The following MYOF variants were observed in gnomAD, a reference collection of about 807,000 sequenced individuals.
MYOF encodes the protein fer-1-like 3, myoferlin.
Under a neutral mutation model 284.2 loss-of-function variants are expected in MYOF, and 244 were observed. The observed-to-expected ratio is 0.86, with a 90% CI of 0.77 to 0.95. MYOF has a LOEUF of 0.95. Ranked by LOEUF, MYOF falls within the 40% of genes least tolerant of loss-of-function variation. The pLI is 0.00. For synonymous variants in MYOF, 904 were observed against 919.7 expected, an observed-to-expected ratio of 0.98 and a Z score of 0.31; for missense variants, 2,496 against 2,560.6, an observed-to-expected ratio of 0.97 and a Z score of 0.54.
intron 17 of MYOF, among the ~76,000 whole-genome samples, chr10:93,391,830 A>G (rs191349343): frequency 1.6e-4 from 25 of 152,204 alleles, no homozygotes; most frequent in Admixed American, 7.2e-4. Flanking sequence ...TGCCTCCTTT[A>G]CCTTTTTGAA....
intron 4 of MYOF, 80 bp downstream of exon 4, chr10:93,431,328 C>A (rs1013391055): frequency 8.0e-7 from 1 of 1,247,036 alleles, no homozygotes; most frequent in Non-Finnish European, 1.2e-6. Flanking sequence ...CCACCACGCC[C>A]GGCCTTAGAC....
chr10:93,312,549 G>A lies in MYOF; in HGVS notation c.5889+471C>T, dbSNP rs111551319. ...TTGTTTTTGTATTTTTAGTAGAGAC[G>A]GTGTTTTGCCACGTTGGCCAGGCTG... On this transcript the variant is annotated intron_variant, in intron 51 of 53. Coordinates refer to ENST00000359263, the MANE Select transcript of MYOF (RefSeq NM_013451.4). 7.5e-3 allele frequency among the ~76,000 whole-genome samples: 1,142 copies of A among 151,764 alleles called. 12 individuals are homozygous for A. Among genetic ancestry groups the A allele is most frequent in the African/African-American group, 0.026 (1,095 of 41,366 alleles).
chr10:93,329,041 A>C, intron 44 of MYOF, 130 bp from the exon 45 acceptor site: 1 of 876,946 alleles, frequency 1.1e-6, no homozygotes, highest in Admixed American at 2.5e-5. Flanking sequence ...CTACACTCTG[A>C]CTTTGGCCTA....
chr10:93,355,775 AT>A, intron 30 of MYOF, 39 bp from the exon 31 acceptor site: 1 of 1,485,648 alleles, frequency 6.7e-7, no homozygotes, highest in Admixed American at 1.7e-5. Flanking sequence ...AGAGAAGTCA[AT>A]AAACACTGCC....
chr10:93,309,462 C>T (rs1477326061), intron 53 of MYOF, among the ~76,000 whole-genome samples: 1 of 152,018 alleles, frequency 6.6e-6, no homozygotes, highest in Non-Finnish European at 1.5e-5. Flanking sequence ...GGAGGTTATA[C>T]GTGACATGAG....
At position 93,375,018 on chromosome 10, in the gene MYOF, A is replaced by T. The variant is rs1845771220; in HGVS notation, c.2109-63T>A. On this transcript the variant is annotated intron_variant, in intron 22 of 53. Transcript: ENST00000359263. ...AGAATAACCTAATTTTAGGCTTCAG[A>T]ACTGTCAAATACATTTATGTTGGAT... 4.1e-6 allele frequency: 6 copies of T among 1,466,960 alleles called. No homozygotes were observed. In the East Asian group the frequency reaches 7.1e-5, roughly 17 times the overall value. 90.9% of individuals were successfully genotyped at this position (1,466,960 alleles called of 1,614,324 possible).
At chr10:93,340,239 C>G in intron 38 of MYOF, 75 bp from the exon 39 acceptor site, 1 of 1,528,138 alleles carries the variant, frequency 6.5e-7, no homozygotes, top group Non-Finnish European at 9.0e-7. Flanking sequence ...ACCCCAGGAA[C>G]ATGAAGTTTA....
chr10:93,378,671 GTGTGTGTGTA>G (rs1845956228), intron 21 of MYOF, among the ~76,000 whole-genome samples: 1 of 101,720 alleles, frequency 9.8e-6, no homozygotes, highest in Non-Finnish European at 1.9e-5. Context: ...ATGTGTATAT[GTGTGTGTGTA>G]TGTGTGTGTG....
At chr10:93,387,940 C>G in intron 18 of MYOF, 27 bp from the exon 19 acceptor site, 4 of 1,541,382 alleles carry the variant, frequency 2.6e-6, no homozygotes, top group Non-Finnish European at 3.6e-6. Flanking sequence ...CAGGATTATT[C>G]CTCTAGGCAG....
At chr10:93,382,811 G>T (rs1043423192) in intron 19 of MYOF, among the ~76,000 whole-genome samples, 1 of 152,180 alleles carries the variant, frequency 6.6e-6, no homozygotes, top group Non-Finnish European at 1.5e-5. Flanking sequence ...CATGCAATAC[G>T]ATCCGCATCC....
At chr10:93,311,757 A>C (rs1275516889) in intron 51 of MYOF, among the ~76,000 whole-genome samples, 1 of 152,172 alleles carries the variant, frequency 6.6e-6, no homozygotes, top group African/African-American at 2.4e-5. Flanking sequence ...CTACCCTTAC[A>C]AGTCAGACAA....
In MYOF at chr10:93,310,636, A is replaced by G; in HGVS notation, c.5897T>C (p.Val1966Ala). Residue 1966 changes from valine (V) to alanine (A), a missense_variant, in exon 52 of 54, where the codon GTG (valine) becomes GCG (alanine). Val to Ala is a moderately conservative substitution (Grantham distance 64). This residue lies in a region of MYOF where 2,436 missense variants were observed against 2,480.7 expected (regional missense o/e 0.98). Transcript: ENST00000359263. The stretch of plus-strand genomic sequence containing the variant: ...GTTGAGGATTTCCAATGTCATCTCC[A>G]CTTTCCCCTTCAGTAAAGCAGAGCA... ...KDGARVMAGK[V>A]EMTLEILNEK... 6 of 1,613,988 alleles carry G rather than the reference A, an allele frequency of 3.7e-6. No individual in the cohort carries two copies. The highest frequency in any genetic ancestry group is 5.1e-6 in the Non-Finnish European group (6 of 1,179,964).
intron 1 of MYOF, among the ~76,000 whole-genome samples, chr10:93,471,276 C>T (rs1266399545): frequency 6.6e-6 from 1 of 151,722 alleles, no homozygotes; most frequent in Non-Finnish European, 1.5e-5. Flanking sequence ...TTTCATTGCT[C>T]TGTTGCAAAC....
chr10:93,329,695 A>T lies in MYOF; in HGVS notation c.4951T>A (p.Ser1651Thr). The part of the protein sequence containing the change: ...LENRFLSRFG[S>T]HCGIPEEYCV... ...TACTCCTCTGGTATGCCGCAGTGGG[A>T]CCCAAAGCGGGAAAGGAATCGGTTT... The change falls in exon 44 of 54, where the codon TCC becomes ACC. Residue 1651 changes from serine to threonine, a missense_variant. Physicochemically the swap from Ser to Thr is moderately conservative, Grantham distance 58. Around this residue, in one of 3 missense-constraint regions of MYOF, gnomAD observed 2,436 missense variants for 2,480.7 expected, o/e 0.98. Coordinates refer to ENST00000359263, the MANE Select transcript of MYOF (RefSeq NM_013451.4). 1 of 1,614,130 alleles carries T rather than the reference A, an allele frequency of 6.2e-7. No homozygotes were observed. The highest frequency in any genetic ancestry group is 8.5e-7 in the Non-Finnish European group (1 of 1,180,028).
intron 37 of MYOF, 142 bp from the exon 38 acceptor site, chr10:93,344,074 T>C (rs1844058717): frequency 1.3e-6 from 1 of 776,356 alleles, no homozygotes; most frequent in Non-Finnish European, 2.1e-6. Context: ...AGAGGACAAC[T>C]CCTGAATGTA....
intron 1 of MYOF, 67 bp from the exon 2 acceptor site, chr10:93,457,004 T>C (rs2056760600): frequency 8.2e-7 from 1 of 1,223,028 alleles, no homozygotes; most frequent in Non-Finnish European, 1.2e-6. Flanking sequence ...GGGCCATTCA[T>C]TTATTCTAAG....
chr10:93,459,921 G>T (rs182004063), intron 1 of MYOF, among the ~76,000 whole-genome samples: 208 of 152,276 alleles, frequency 1.4e-3, no homozygotes, highest in Non-Finnish European at 2.4e-3. Context: ...CGGGGCTTGG[G>T]GGGGTGGAGA....
intron 40 of MYOF, 119 bp from the exon 41 acceptor site, chr10:93,336,165 A>C: frequency 8.7e-7 from 1 of 1,148,342 alleles, no homozygotes; most frequent in Non-Finnish European, 1.2e-6. Flanking sequence ...GAACTCCCAA[A>C]TCGCTGGCGG....
At chr10:93,442,540 T>C (rs1014088945) in intron 3 of MYOF, among the ~76,000 whole-genome samples, 2 of 152,150 alleles carry the variant, frequency 1.3e-5, no homozygotes, top group African/African-American at 4.8e-5. Context: ...TCTAGGTATA[T>C]TGTCAGGCCT....
Sources: allele counts gnomAD v4.1 joint callset (sites outside exome capture counted in the v4.1 genomes callset), GRCh38; gene constraint gnomAD v4.1.1; regional missense constraint gnomAD v4.1.1; transcripts MANE v1.5; gene names NCBI Gene and HGNC (gene_info 2026-07-23, HGNC 2026-07-21).